Variants in UTY observed in about 807,000 individuals in gnomAD.
The protein encoded by UTY is histone demethylase UTY.
UTY carries 12 observed loss-of-function variants against 32.5 expected under a neutral mutation model. The observed-to-expected ratio is 0.37, with a 90% CI of 0.24 to 0.60. UTY has a LOEUF of 0.60. UTY is among the 20% of genes least tolerant of loss of function. The pLI is 0.69. For missense variants in UTY, 303 were observed against 299.2 expected (o/e 1.01, Z -0.09); for synonymous variants, 131 against 103.4 (o/e 1.27, Z -1.62).
intron 6 of UTY, among the ~76,000 whole-genome samples, chrY:13,409,733 C>A: frequency 3.0e-5 from 1 of 33,232 alleles, no homozygotes; most frequent in Non-Finnish European, 7.5e-5. Context: ...TGGTATCAGA[C>A]CTCTCTCTGT....
chrY:13,290,347 T>C, intron 27 of UTY, among the ~76,000 whole-genome samples: 3 of 33,082 alleles, frequency 9.1e-5, no homozygotes, highest in Non-Finnish European at 1.5e-4. Context: ...AAATGTAGAA[T>C]TACAAAGAAT....
intron 27 of UTY, among the ~76,000 whole-genome samples, chrY:13,284,003 T>C: frequency 3.0e-5 from 1 of 32,973 alleles, no homozygotes; most frequent in Admixed American, 2.8e-4. Context: ...GCAGAATTTA[T>C]GTAAGAAGAG....
At chrY:13,275,474 T>A in intron 27 of UTY, among the ~76,000 whole-genome samples, 2 of 33,583 alleles carry the variant, frequency 6.0e-5, no homozygotes, top group African/African-American at 2.3e-4. Context: ...TAACAGAAAT[T>A]TTTACTTAAA....
chrY:13,289,788 G>C, intron 27 of UTY, among the ~76,000 whole-genome samples: 1 of 32,844 alleles, frequency 3.0e-5, no homozygotes, highest in Admixed American at 2.8e-4. Context: ...CTAGTAACAA[G>C]TGGGTCCATT....
At chrY:13,326,194 T>C in intron 19 of UTY, 27 bp downstream of exon 19, 1 of 395,131 alleles carries the variant, frequency 2.5e-6, no homozygotes, top group Non-Finnish European at 3.6e-6. Context: ...TCTCGATTTA[T>C]TTATAAGTTA....
intron 2 of UTY, among the ~76,000 whole-genome samples, chrY:13,478,247 C>T: frequency 6.0e-5 from 2 of 33,270 alleles, no homozygotes; most frequent in East Asian, 1.5e-3. Flanking sequence ...TGACAACATA[C>T]AAATACTTTA....
chrY:13,336,641 T>A, intron 17 of UTY, among the ~76,000 whole-genome samples: 2 of 33,417 alleles, frequency 6.0e-5, no homozygotes, highest in African/African-American at 1.2e-4. Flanking sequence ...TTTAGCTGAA[T>A]AAAAGTGTAT....
chrY:13,428,038 C>A (rs1045459448), intron 4 of UTY, among the ~76,000 whole-genome samples: 7 of 33,020 alleles, frequency 2.1e-4, no homozygotes, highest in Admixed American at 1.3e-3. Flanking sequence ...ATACCCTTTG[C>A]CCAAATTTTT....
chrY:13,360,981 G>C, intron 10 of UTY, among the ~76,000 whole-genome samples: 1 of 33,022 alleles, frequency 3.0e-5, no homozygotes, highest in Admixed American at 2.7e-4. Context: ...TTATCTGTGT[G>C]ATTTGTTTAA....
chrY:13,266,523 G>A (rs1603273228), intron 27 of UTY, among the ~76,000 whole-genome samples: 1 of 32,460 alleles, frequency 3.1e-5, no homozygotes, highest in East Asian at 7.9e-4. Flanking sequence ...TGAAGTTCCC[G>A]CCTTAGTTAC....
intron 4 of UTY, among the ~76,000 whole-genome samples, chrY:13,437,130 G>A (rs766897538): frequency 6.2e-5 from 2 of 32,441 alleles, no homozygotes; most frequent in South Asian, 7.1e-4. Context: ...AGAAAGTAGC[G>A]GGGCATCTCC....
At chrY:13,406,102 G>A (rs2149618713) in intron 6 of UTY, among the ~76,000 whole-genome samples, 11 of 32,952 alleles carry the variant, frequency 3.3e-4, no homozygotes, top group African/African-American at 1.0e-3. Context: ...TTATCCATTC[G>A]ATATTTGTTA....
chrY:13,387,321 A>G, intron 8 of UTY, among the ~76,000 whole-genome samples: 1 of 33,423 alleles, frequency 3.0e-5, no homozygotes, highest in South Asian at 6.4e-4. Flanking sequence ...AACTATTAAC[A>G]CAGGTGGCTT....
chrY:13,436,146 G>C, intron 4 of UTY, among the ~76,000 whole-genome samples: 4 of 33,319 alleles, frequency 1.2e-4, no homozygotes, highest in African/African-American at 4.7e-4. Flanking sequence ...CAGTGTGAGT[G>C]AACTGTCCCA....
intron 8 of UTY, among the ~76,000 whole-genome samples, chrY:13,379,779 ATC>A (rs2065812521): frequency 3.5e-5 from 1 of 28,413 alleles, no homozygotes; most frequent in Non-Finnish European, 8.2e-5. Flanking sequence ...GGGGAAAAAA[ATC>A]TGAGAAGCAC....
At position 13,360,045 on chromosome Y, in the gene UTY, T is replaced by C. The variant is rs2032674; in HGVS notation, c.966-59A>G. On this transcript the variant is annotated intron_variant, in intron 11 of 29. Coordinates refer to ENST00000545955, the MANE Select transcript of UTY (RefSeq NM_001258249.2). Reference sequence around the variant, plus strand: ...GGTTACTTTCGTTCGTTTATTTTTCTGTTGTTTTCAGACAGTGTCTCACAC... The same window carrying C: ...GGTTACTTTCGTTCGTTTATTTTTCCGTTGTTTTCAGACAGTGTCTCACAC... 20,877 of 324,808 alleles carry C rather than the reference T, an allele frequency of 0.064. No individual in the cohort carries two copies. The East Asian group carries it at 0.71, about 11-fold the overall frequency. 81.0% of individuals were successfully genotyped at this position (324,808 alleles called of 400,897 possible).
chrY:13,249,344 T>C lies in UTY; in HGVS notation c.*512A>G. The stretch of plus-strand genomic sequence containing the variant: ...GGGCTATTAATATTTAAAAAAATTA[T>C]TTTGGAACCACAAATGTAATCATCA... On this transcript the variant is annotated 3_prime_UTR_variant, in exon 30 of 30. Transcript: ENST00000545955. The C allele has an allele frequency of 2.4e-5, 1 of 42,271 alleles. No homozygotes were observed. The allele number at this position is 42,271 out of a possible 400,897, so 10.5% of individuals were successfully genotyped here.
intron 8 of UTY, among the ~76,000 whole-genome samples, chrY:13,388,219 T>C: frequency 2.9e-5 from 1 of 34,108 alleles, no homozygotes; most frequent in Non-Finnish European, 7.3e-5. Flanking sequence ...AGTTATCTTA[T>C]CAAAATGAAC....
intron 5 of UTY, 27 bp downstream of exon 5, chrY:13,414,708 G>T: frequency 1.4e-5 from 5 of 363,155 alleles, no homozygotes; most frequent in Non-Finnish European, 1.9e-5. Flanking sequence ...ACCATTTACT[G>T]GAAACAAATG....
Sources: gnomAD v4.1 joint callset for allele counts (sites outside exome capture counted in the v4.1 genomes callset) on GRCh38, gnomAD v4.1.1 for gene constraint, MANE v1.5 for transcripts, NCBI Gene and HGNC (gene_info 2026-07-23, HGNC 2026-07-21) for gene names.